The following NSMCE2 variants were observed in gnomAD, a reference collection of about 807,000 sequenced individuals.
NSMCE2 encodes E3 SUMO-protein ligase NSE2.
A neutral mutation model predicts 23.8 loss-of-function variants in NSMCE2; 24 were observed. That is an observed-to-expected ratio of 1.01 (90% CI 0.73 to 1.42). The LOEUF is 1.42. Ranked by LOEUF, NSMCE2 falls within the 40% of genes most tolerant of loss-of-function variation. The pLI is 0.00. For missense variants in NSMCE2, 284 were observed against 296.5 expected (o/e 0.96, Z 0.31); for synonymous variants, 92 against 94.1 (o/e 0.98, Z 0.13).
At chr8:125,315,839 G>T (rs556642908) in intron 5 of NSMCE2, among the ~76,000 whole-genome samples, 1 of 151,174 alleles carries the variant, frequency 6.6e-6, no homozygotes, top group African/African-American at 2.4e-5. Context: ...GTTTCACTCC[G>T]TCACCCAGGC....
rs201748093 is a variant in NSMCE2 at position 125,233,647 on chromosome 8, T to TC, written c.418+51391_418+51392insC. On this transcript the variant is annotated intron_variant, in intron 5 of 7. Coordinates refer to ENST00000287437, the MANE Select transcript of NSMCE2 (RefSeq NM_173685.4). ...TTGTTTTAAAATATTCCAAGACATCTTTGTATTAATACAAGGAAGTTTATG... is the reference window on the plus strand; with the variant it reads ...TTGTTTTAAAATATTCCAAGACATCTCTTGTATTAATACAAGGAAGTTTATG... 4.2e-3 allele frequency among the ~76,000 whole-genome samples: 639 copies of TC among 152,352 alleles called. 2 individuals carry two copies. The highest frequency in any genetic ancestry group is 6.8e-3 in the Non-Finnish European group (465 of 68,034).
intron 3 of NSMCE2, chr8:125,130,075 T>C (rs755618760): frequency 3.0e-5 from 10 of 330,068 alleles, no homozygotes; most frequent in Non-Finnish European, 4.9e-5. Flanking sequence ...ATCATCTTCG[T>C]AGACGCTTCT....
chr8:125,278,312 G>A (rs1002708394), intron 5 of NSMCE2, among the ~76,000 whole-genome samples: 6 of 152,180 alleles, frequency 3.9e-5, no homozygotes, highest in African/African-American at 1.4e-4. Context: ...CACCAGTAAG[G>A]CCCTTCAGAG....
intron 5 of NSMCE2, among the ~76,000 whole-genome samples, chr8:125,243,459 A>G (rs1035937890): frequency 7.2e-5 from 11 of 151,996 alleles, no homozygotes; most frequent in African/African-American, 2.4e-4. Context: ...AACCATAGCA[A>G]ATGGGCTCCT....
At chr8:125,195,477 G>T (rs187215957) in intron 5 of NSMCE2, among the ~76,000 whole-genome samples, 1 of 152,208 alleles carries the variant, frequency 6.6e-6, no homozygotes, top group East Asian at 1.9e-4. Context: ...ATACATATAA[G>T]TCACTTAGTA....
intron 5 of NSMCE2, among the ~76,000 whole-genome samples, chr8:125,320,283 A>AGGAC: frequency 1.1e-5 from 1 of 93,382 alleles, no homozygotes. Flanking sequence ...GAAGGAAGGA[A>AGGAC]GGAAGGAAGG....
chr8:125,096,883 T>A (rs1817962706), intron 1 of NSMCE2, among the ~76,000 whole-genome samples: 1 of 152,160 alleles, frequency 6.6e-6, no homozygotes, highest in African/African-American at 2.4e-5. Flanking sequence ...GTGCTGGGAT[T>A]ACAGGCGGGA....
chr8:125,175,419 A>G (rs1164876300), intron 4 of NSMCE2, among the ~76,000 whole-genome samples: 1 of 152,242 alleles, frequency 6.6e-6, no homozygotes. Context: ...GAGTACTAGT[A>G]CTAAGCAGAA....
intron 5 of NSMCE2, among the ~76,000 whole-genome samples, chr8:125,183,164 G>A (rs569864200): frequency 1.2e-4 from 18 of 152,130 alleles, no homozygotes; most frequent in East Asian, 7.7e-4. Context: ...AATTTACCTC[G>A]TGTCCTTATA....
chr8:125,336,762 C>G (rs185764510), intron 5 of NSMCE2, among the ~76,000 whole-genome samples: 1 of 152,246 alleles, frequency 6.6e-6, no homozygotes, highest in Non-Finnish European at 1.5e-5. Context: ...AAATTCTTTG[C>G]AAGCACTTCT....
At chr8:125,103,338 T>G in intron 3 of NSMCE2, among the ~76,000 whole-genome samples, 1 of 152,054 alleles carries the variant, frequency 6.6e-6, no homozygotes, top group South Asian at 2.1e-4. Flanking sequence ...TTATTTGCTT[T>G]CTTTGGAGTA....
At chr8:125,227,536 A>G (rs146107076) in intron 5 of NSMCE2, among the ~76,000 whole-genome samples, 3 of 151,412 alleles carry the variant, frequency 2.0e-5, no homozygotes, top group Non-Finnish European at 2.9e-5. Flanking sequence ...AAGCTATAGC[A>G]TTAACTCCCA....
At chr8:125,202,265 T>C (rs185308905) in intron 5 of NSMCE2, among the ~76,000 whole-genome samples, 15 of 152,316 alleles carry the variant, frequency 9.8e-5, no homozygotes, top group African/African-American at 3.1e-4. Context: ...GGAACCTCAA[T>C]TGGAAATGCC....
intron 5 of NSMCE2, among the ~76,000 whole-genome samples, chr8:125,350,612 A>T (rs1812992483): frequency 1.3e-5 from 2 of 152,246 alleles, no homozygotes; most frequent in Admixed American, 6.5e-5. Flanking sequence ...AAGGAAGAGC[A>T]AGTCACATCT....
chr8:125,182,429 A>G, intron 5 of NSMCE2, 173 bp downstream of exon 5: 1 of 645,178 alleles, frequency 1.5e-6, no homozygotes, highest in Non-Finnish European at 2.7e-6. Flanking sequence ...TTTTGGTTCA[A>G]ATCAGCCTGC....
At position 125,150,426 on chromosome 8, in the gene NSMCE2, CTTTTTTTTTTT is replaced by C. The variant is rs71295819; in HGVS notation, c.158-730_158-720del. Reference sequence around the variant, plus strand: ...TTTTCTTTTTTTCTTTTCTTTCTTTCTTTTTTTTTTTTTTTTTTTTTTTTTGAGATGGAGTC... The same window carrying C: ...TTTTCTTTTTTTCTTTTCTTTCTTTCTTTTTTTTTTTTTTGAGATGGAGTC... On this transcript the variant is annotated intron_variant, in intron 3 of 7. Coordinates refer to ENST00000287437, the MANE Select transcript of NSMCE2 (RefSeq NM_173685.4). Among the ~76,000 whole-genome samples the C allele has an allele frequency of 3.4e-4, 21 of 61,846 alleles. No individual in the cohort carries two copies. In the East Asian group the frequency reaches 5.7e-3, roughly 17 times the overall value. 40.6% of individuals were successfully genotyped at this position (61,846 alleles called of 152,430 possible).
rs527805461 is a variant in NSMCE2 at position 125,242,346 on chromosome 8, A to G, written c.418+60090A>G. 2.0e-5 allele frequency among the ~76,000 whole-genome samples: 3 copies of G among 152,260 alleles called. No individual in the cohort carries two copies. The East Asian group carries it at 5.8e-4, about 29-fold the overall frequency. On this transcript the variant is annotated intron_variant, in intron 5 of 7. Transcript: ENST00000287437. ...GCAGCAACAGACAGCTGAAGGGCAT[A>G]TTGGATGGGCTCCTGGTTCAAGGTG...
intron 5 of NSMCE2, among the ~76,000 whole-genome samples, chr8:125,218,432 G>A (rs566342953): frequency 9.6e-4 from 131 of 136,392 alleles, no homozygotes; most frequent in African/African-American, 4.0e-3. Flanking sequence ...TTTTTTTTGA[G>A]ACAGAGTCTT....
intron 5 of NSMCE2, among the ~76,000 whole-genome samples, chr8:125,292,343 T>C (rs1257278163): frequency 2.6e-5 from 4 of 151,900 alleles, no homozygotes; most frequent in African/African-American, 2.4e-5. Context: ...TCACTTGAGG[T>C]CAGGAGTTCA....
Sources: gnomAD v4.1 joint callset for allele counts (sites outside exome capture counted in the v4.1 genomes callset) on GRCh38, gnomAD v4.1.1 for gene constraint, MANE v1.5 for transcripts, NCBI Gene and HGNC (gene_info 2026-07-23, HGNC 2026-07-21) for gene names.